Variants in RBMS3 observed in about 807,000 individuals in gnomAD.
RBMS3 encodes the protein RNA-binding motif, single-stranded-interacting protein 3.
RBMS3 carries 27 observed loss-of-function variants against 66.8 expected under a neutral mutation model. The ratio of observed to expected loss-of-function variants is 0.40; its 90% confidence interval spans 0.30 to 0.56. The LOEUF (loss-of-function observed/expected upper bound fraction) is 0.56, where lower values mean the gene tolerates loss of function less well. RBMS3 is among the 20% of genes least tolerant of loss of function. The pLI is 0.40. For missense variants in RBMS3, 513 were observed against 549.5 expected (o/e 0.93, Z 0.66); for synonymous variants, 188 against 183.0 (o/e 1.03, Z -0.22).
intron 1 of RBMS3, among the ~76,000 whole-genome samples, chr3:29,343,256 G>A (rs942129581): frequency 1.2e-4 from 18 of 152,126 alleles, no homozygotes; most frequent in Admixed American, 4.6e-4. Flanking sequence ...AAATAATGCC[G>A]TTTGGGGAGT....
chr3:29,698,315 CA>C (rs2052374420), intron 4 of RBMS3: 2 of 985,372 alleles, frequency 2.0e-6, no homozygotes, highest in South Asian at 9.4e-5. Flanking sequence ...AGAGAATCAA[CA>C]ATCCTTTGCT....
intron 1 of RBMS3, among the ~76,000 whole-genome samples, chr3:29,375,779 G>A (rs887764713): frequency 1.3e-5 from 2 of 152,136 alleles, no homozygotes; most frequent in African/African-American, 4.8e-5. Context: ...CAACCATTGT[G>A]GAAGACAATG....
chr3:29,949,580 C>G (rs77745138), intron 12 of RBMS3, among the ~76,000 whole-genome samples: 2 of 151,536 alleles, frequency 1.3e-5, no homozygotes, highest in South Asian at 4.2e-4. Context: ...CCTTAAAATT[C>G]GCATTTTTGA....
chr3:29,664,691 A>C (rs997776472), intron 4 of RBMS3, among the ~76,000 whole-genome samples: 3 of 151,280 alleles, frequency 2.0e-5, no homozygotes, highest in Non-Finnish European at 2.9e-5. Context: ...AAAAAAAAAA[A>C]GTACTTTATT....
At chr3:29,968,216 T>G (rs886549349) in intron 12 of RBMS3, among the ~76,000 whole-genome samples, 1 of 152,164 alleles carries the variant, frequency 6.6e-6, no homozygotes, top group Non-Finnish European at 1.5e-5. Flanking sequence ...CGTAACAGTC[T>G]GTTTCCAGGT....
intron 4 of RBMS3, among the ~76,000 whole-genome samples, chr3:29,614,169 G>C (rs1207051046): frequency 1.3e-5 from 2 of 152,176 alleles, no homozygotes; most frequent in East Asian, 3.9e-4. Flanking sequence ...CTTGTAATTT[G>C]CAACATGGAT....
chr3:29,374,673 T>C (rs561108221), intron 1 of RBMS3, among the ~76,000 whole-genome samples: 1 of 152,338 alleles, frequency 6.6e-6, no homozygotes, highest in South Asian at 2.1e-4. Flanking sequence ...GCTAGATGTA[T>C]GAAATGCATT....
At chr3:29,945,798 T>A (rs1695265157) in intron 12 of RBMS3, among the ~76,000 whole-genome samples, 1 of 151,674 alleles carries the variant, frequency 6.6e-6, no homozygotes, top group African/African-American at 2.4e-5. Flanking sequence ...TGGCTGACAA[T>A]CTAGGCTCAG....
chr3:29,527,316 TA>T (rs1471332417), intron 3 of RBMS3, among the ~76,000 whole-genome samples: 1 of 150,586 alleles, frequency 6.6e-6, no homozygotes, highest in Non-Finnish European at 1.5e-5. Context: ...ATTCACTACC[TA>T]ATGCCATGTA....
At chr3:29,498,215 G>A (rs1016190278) in intron 3 of RBMS3, among the ~76,000 whole-genome samples, 26 of 151,484 alleles carry the variant, frequency 1.7e-4, no homozygotes, top group Admixed American at 7.9e-4. Flanking sequence ...GGCTGGTCTC[G>A]AACTCCTGAC....
At chr3:29,795,711 C>T (rs1330507638) in intron 6 of RBMS3, among the ~76,000 whole-genome samples, 1 of 152,090 alleles carries the variant, frequency 6.6e-6, no homozygotes, top group Non-Finnish European at 1.5e-5. Context: ...CCTCTGTAAA[C>T]TGGGAGGAAG....
chr3:29,565,762 T>TG (rs2046720502), intron 3 of RBMS3, among the ~76,000 whole-genome samples: 1 of 152,188 alleles, frequency 6.6e-6, no homozygotes, highest in South Asian at 2.1e-4. Flanking sequence ...TAGTTCTTTA[T>TG]GAAAAAAATT....
At chr3:29,986,835 G>A (rs571302046) in intron 12 of RBMS3, among the ~76,000 whole-genome samples, 2 of 152,160 alleles carry the variant, frequency 1.3e-5, no homozygotes, top group African/African-American at 4.8e-5. Context: ...CTCAGCTACT[G>A]GGGAAGCTGA....
rs557097127 is a variant in RBMS3 at position 29,732,905 on chromosome 3, A to G, written c.400-6815A>G. Reference sequence around the variant, plus strand: ...GGTGTAGTGTAGTAAAAAGTACTACATCAAGTCAAACAATATCCCTTATGA... The same window carrying G: ...GGTGTAGTGTAGTAAAAAGTACTACGTCAAGTCAAACAATATCCCTTATGA... On this transcript the variant is annotated intron_variant, in intron 4 of 14. Coordinates refer to ENST00000383767, the MANE Select transcript of RBMS3 (RefSeq NM_001003793.3). Among the ~76,000 whole-genome samples the G allele has an allele frequency of 1.2e-3, 177 of 152,258 alleles. 1 individual carries two copies. The highest frequency in any genetic ancestry group is 2.0e-3 in the Admixed American group (30 of 15,282).
intron 1 of RBMS3, among the ~76,000 whole-genome samples, chr3:29,295,290 T>C (rs200196293): frequency 3.9e-3 from 12 of 3,050 alleles, no homozygotes; most frequent in Non-Finnish European, 9.0e-3. Context: ...TATATATATA[T>C]ATATACATAT....
intron 3 of RBMS3, among the ~76,000 whole-genome samples, chr3:29,524,602 A>ATTTTTTTTTTTTTT (rs1273815210): frequency 6.7e-6 from 1 of 148,602 alleles, no homozygotes. Flanking sequence ...CAACTTTTGC[A>ATTTTTTTTTTTTTT]TTTTATTTAT....
intron 2 of RBMS3, among the ~76,000 whole-genome samples, chr3:29,482,412 AAGG>A (rs1231910402): frequency 1.8e-4 from 28 of 152,166 alleles, no homozygotes; most frequent in African/African-American, 5.8e-4. Context: ...AGAACAAGGA[AAGG>A]CACAAACCAG....
At chr3:29,349,868 T>C (rs1213841288) in intron 1 of RBMS3, among the ~76,000 whole-genome samples, 1 of 152,120 alleles carries the variant, frequency 6.6e-6, no homozygotes, top group Admixed American at 6.6e-5. Context: ...CATAAAAATA[T>C]AGTTGTTCAG....
At chr3:29,574,701 C>G (rs778402589) in intron 3 of RBMS3, among the ~76,000 whole-genome samples, 1 of 151,782 alleles carries the variant, frequency 6.6e-6, no homozygotes, top group Admixed American at 6.6e-5. Context: ...GATTTAATTT[C>G]TTGCTTTTTA....
Sources: gnomAD v4.1 joint callset for allele counts (sites outside exome capture counted in the v4.1 genomes callset) on GRCh38, gnomAD v4.1.1 for gene constraint, MANE v1.5 for transcripts, NCBI Gene and HGNC (gene_info 2026-07-23, HGNC 2026-07-21) for gene names.